The following LRP1B variants were observed in gnomAD, a reference collection of about 807,000 sequenced individuals.
LRP1B encodes the protein low-density lipoprotein receptor-related protein 1B.
In LRP1B, 217 loss-of-function variants were observed where a neutral mutation model predicts 556.6. The ratio of observed to expected loss-of-function variants is 0.39; its 90% CI spans 0.35 to 0.44. The LOEUF is 0.44. Ranked by LOEUF, LRP1B falls within the 20% of genes least tolerant of loss-of-function variation. LRP1B has a pLI of 1.00. For synonymous variants in LRP1B, 2,047 were observed against 1,865.8 expected (o/e 1.10, Z -2.50); for missense variants, 5,053 against 5,620.8 (o/e 0.90, Z 3.23).
intron 2 of LRP1B, among the ~76,000 whole-genome samples, chr2:141,759,635 G>A (rs193242195): frequency 2.0e-5 from 3 of 152,234 alleles, no homozygotes; most frequent in East Asian, 1.9e-4. Context: ...AGTCTTAGAC[G>A]TACCATGGGA....
chr2:140,557,117 G>T (rs776711002), intron 43 of LRP1B, among the ~76,000 whole-genome samples: 2 of 151,930 alleles, frequency 1.3e-5, no homozygotes, highest in African/African-American at 4.8e-5. Flanking sequence ...ATTACAGTAC[G>T]ATTTACATAC....
chr2:140,814,501 C>G (rs1020223502), intron 31 of LRP1B, among the ~76,000 whole-genome samples: 4 of 152,140 alleles, frequency 2.6e-5, no homozygotes, highest in Non-Finnish European at 4.4e-5. Context: ...AGTGCCTGCC[C>G]TCTTCATTAT....
In LRP1B at chr2:140,813,759, CT is replaced by C. The variant is rs1403264266; in HGVS notation, c.5256del (p.Asn1754MetfsTer4). On this transcript the variant is annotated frameshift_variant, in exon 32 of 91. Transcript: ENST00000389484. LOFTEE classifies it high-confidence loss of function. ...YVENKLYWIS[S>X]GNGTINRCNL... ...TTGCATCTATTTATGGTTCCATTCC[CT>C]GAACTGATCCAATAAAGCTTGTTTT... 6.2e-7 allele frequency: 1 copy of C among 1,609,594 alleles called. No homozygotes were observed. Among genetic ancestry groups the C allele is most frequent in the Admixed American group, 1.7e-5 (1 of 59,974 alleles).
chr2:141,150,869 T>TGTGTGTGTGTGTG (rs1553467366), intron 7 of LRP1B, among the ~76,000 whole-genome samples: 16 of 138,626 alleles, frequency 1.2e-4, no homozygotes, highest in Non-Finnish European at 2.2e-4. Context: ...TCATGCTGGT[T>TGTGTGTGTGTGTG]TGTGTGTGTG....
intron 2 of LRP1B, among the ~76,000 whole-genome samples, chr2:141,703,542 C>T (rs991896423): frequency 2.0e-5 from 3 of 151,944 alleles, no homozygotes; most frequent in African/African-American, 7.2e-5. Flanking sequence ...TGGATGTGTG[C>T]CAAGGCACTT....
intron 3 of LRP1B, among the ~76,000 whole-genome samples, chr2:141,324,125 C>T (rs1687353897): frequency 6.6e-6 from 1 of 150,418 alleles, no homozygotes; most frequent in Non-Finnish European, 1.5e-5. Context: ...CACACACACA[C>T]ACACACATAC....
At chr2:140,248,358 A>G (rs1289420858) in intron 86 of LRP1B, among the ~76,000 whole-genome samples, 2 of 151,348 alleles carry the variant, frequency 1.3e-5, no homozygotes, top group African/African-American at 4.9e-5. Flanking sequence ...AGAGTTATTT[A>G]ATTAATAAAT....
At chr2:142,116,513 C>A (rs1282574127) in intron 1 of LRP1B, among the ~76,000 whole-genome samples, 1 of 152,108 alleles carries the variant, frequency 6.6e-6, no homozygotes, top group African/African-American at 2.4e-5. Flanking sequence ...GTGAACATTG[C>A]ATCCTGGATT....
chr2:140,785,542 T>C (rs1689865785), intron 32 of LRP1B, among the ~76,000 whole-genome samples: 1 of 152,144 alleles, frequency 6.6e-6, no homozygotes, highest in African/African-American at 2.4e-5. Flanking sequence ...AAAATCAACA[T>C]ATTTTTTAGA....
chr2:140,618,830 G>A (rs1683347365), intron 41 of LRP1B, among the ~76,000 whole-genome samples: 1 of 151,912 alleles, frequency 6.6e-6, no homozygotes, highest in Admixed American at 6.6e-5. Context: ...TCAGAGTTGG[G>A]GGCAAGACGG....
intron 40 of LRP1B, 121 bp downstream of exon 40, chr2:140,701,600 T>G: frequency 1.1e-6 from 1 of 924,496 alleles, no homozygotes; most frequent in East Asian, 2.6e-5. Flanking sequence ...AAATTAGATG[T>G]AAAGATAATG....
intron 3 of LRP1B, among the ~76,000 whole-genome samples, chr2:141,259,268 C>G (rs1166688656): frequency 6.6e-6 from 1 of 152,030 alleles, no homozygotes; most frequent in Non-Finnish European, 1.5e-5. Flanking sequence ...TGTGTTGAGG[C>G]CTTTGTCTCT....
At chr2:140,487,938 T>A (rs944329983) in intron 57 of LRP1B, among the ~76,000 whole-genome samples, 199 bp from the exon 58 acceptor site, 3 of 152,016 alleles carry the variant, frequency 2.0e-5, no homozygotes, top group Non-Finnish European at 4.4e-5. Flanking sequence ...AAATACTATA[T>A]TAATTTGAAA....
intron 2 of LRP1B, among the ~76,000 whole-genome samples, chr2:141,709,065 T>C (rs1300869160): frequency 6.6e-6 from 1 of 152,068 alleles, no homozygotes. Context: ...ATGACCCCTT[T>C]TGGGGACAGG....
rs557688630 is a variant in LRP1B, at chr2:141,406,640, A to T, written c.343+73756T>A. ...GTGTTTATTTAAATTTATTTAAATT[A>T]TAATCGTTTCCAAAGTATTATAAGT... On this transcript the variant is annotated intron_variant, in intron 3 of 90. Coordinates refer to ENST00000389484, the MANE Select transcript of LRP1B (RefSeq NM_018557.3). Among the ~76,000 whole-genome samples the T allele has an allele frequency of 2.0e-5, 3 of 151,994 alleles. No homozygotes were observed. In the South Asian group the frequency reaches 6.2e-4, roughly 32 times the overall value.
intron 2 of LRP1B, among the ~76,000 whole-genome samples, chr2:141,676,714 C>G (rs1192065497): frequency 6.6e-6 from 1 of 152,128 alleles, no homozygotes; most frequent in Non-Finnish European, 1.5e-5. Context: ...AAATGGATGG[C>G]TAGCGAGGTT....
chr2:140,961,547 T>C (rs552639619), intron 18 of LRP1B, among the ~76,000 whole-genome samples: 22 of 151,622 alleles, frequency 1.5e-4, no homozygotes, highest in Admixed American at 4.6e-4. Flanking sequence ...AATATTTTCA[T>C]AAATAATTTT....
intron 27 of LRP1B, among the ~76,000 whole-genome samples, chr2:140,864,478 G>A (rs1692889800): frequency 6.6e-6 from 1 of 151,916 alleles, no homozygotes; most frequent in African/African-American, 2.4e-5. Flanking sequence ...TGCACACATT[G>A]AGACTAACAA....
At chr2:141,632,943 G>GGATT (rs1688969000) in intron 2 of LRP1B, among the ~76,000 whole-genome samples, 1 of 150,998 alleles carries the variant, frequency 6.6e-6, no homozygotes, top group South Asian at 2.1e-4. Context: ...CCATAATGTA[G>GGATT]GATTATAGCC....
Sources: allele counts gnomAD v4.1 joint callset (sites outside exome capture counted in the v4.1 genomes callset), GRCh38; gene constraint gnomAD v4.1.1; transcripts MANE v1.5; gene names NCBI Gene and HGNC (gene_info 2026-07-23, HGNC 2026-07-21).